FSTL4: variants seen among roughly 807,000 people sequenced by gnomAD.
FSTL4 encodes follistatin-related protein 4.
A neutral mutation model predicts 78.2 loss-of-function variants in FSTL4; 28 were observed. The ratio of observed to expected loss-of-function variants is 0.36; its 90% CI spans 0.27 to 0.49. The LOEUF (loss-of-function observed/expected upper bound fraction) is 0.49. FSTL4 is among the 20% of genes least tolerant of loss of function. The pLI is 0.98. For missense variants in FSTL4, 922 were observed against 1,084.9 expected (o/e 0.85, Z 2.11); for synonymous variants, 422 against 440.5 (o/e 0.96, Z 0.53).
At chr5:133,830,463 C>A in the FSTL4 span, among the ~76,000 whole-genome samples, 1 of 152,192 alleles carries the variant, frequency 6.6e-6, no homozygotes, top group African/African-American at 2.4e-5. Context: ...AGGGCTGGGG[C>A]AAGGCCCTGC....
chr5:133,579,893 A>ATGG (rs1760364150), intron 2 of FSTL4, among the ~76,000 whole-genome samples: 1 of 152,298 alleles, frequency 6.6e-6, no homozygotes, highest in Admixed American at 6.5e-5. Flanking sequence ...TGCCAGAGTC[A>ATGG]TGGTGGGGCC....
intron 1 of FSTL4, among the ~76,000 whole-genome samples, chr5:133,607,726 T>A (rs961531603): frequency 6.6e-5 from 10 of 152,112 alleles, no homozygotes; most frequent in African/African-American, 2.4e-4. Context: ...GCCCCGAGAC[T>A]CTCCTTTCCT....
the FSTL4 span, among the ~76,000 whole-genome samples, chr5:133,716,800 T>G: frequency 1.3e-5 from 2 of 152,270 alleles, no homozygotes; most frequent in African/African-American, 4.8e-5. Context: ...ATGGAAATCA[T>G]TCCCAAATAT....
chr5:133,575,756 C>T (rs1760263214), intron 2 of FSTL4, among the ~76,000 whole-genome samples: 2 of 152,214 alleles, frequency 1.3e-5, no homozygotes, highest in Admixed American at 6.5e-5. Context: ...TCTGCAGAAG[C>T]TTCAAACCAG....
At chr5:133,618,964 A>G in the FSTL4 span, among the ~76,000 whole-genome samples, 6 of 152,242 alleles carry the variant, frequency 3.9e-5, no homozygotes, top group Non-Finnish European at 8.8e-5. Context: ...CTAAGAAATT[A>G]TGGTAGACAT....
the FSTL4 span, among the ~76,000 whole-genome samples, chr5:133,673,166 A>G: frequency 3.3e-5 from 5 of 152,358 alleles, no homozygotes; most frequent in East Asian, 3.9e-4. Context: ...GTGACTTTGA[A>G]TAGAAAGGAA....
At chr5:133,488,450 C>T (rs1034304880) in intron 3 of FSTL4, among the ~76,000 whole-genome samples, 2 of 152,132 alleles carry the variant, frequency 1.3e-5, no homozygotes, top group African/African-American at 4.8e-5. Context: ...GATGTGGTTT[C>T]GCCATGTTGG....
intron 4 of FSTL4, among the ~76,000 whole-genome samples, chr5:133,385,931 G>C (rs1033888688): frequency 2.0e-5 from 3 of 152,080 alleles, no homozygotes; most frequent in Admixed American, 6.6e-5. Context: ...CTATGTGTGT[G>C]TGTTTTTTTT....
At chr5:133,470,746 A>AAAAATAAAATAAAAT (rs61460224) in intron 3 of FSTL4, among the ~76,000 whole-genome samples, 3,250 of 126,930 alleles carry the variant, frequency 0.026, 59 homozygotes, top group Non-Finnish European at 0.035. Flanking sequence ...ACTCTGCCTC[A>AAAAATAAAATAAAAT]AAAATAAAAT....
chr5:133,734,984 G>A, the FSTL4 span, among the ~76,000 whole-genome samples: 1 of 152,136 alleles, frequency 6.6e-6, no homozygotes. Flanking sequence ...CAAAGAACAG[G>A]GGGCCCCATG....
intron 3 of FSTL4, among the ~76,000 whole-genome samples, chr5:133,464,164 T>C (rs1757652551): frequency 6.6e-6 from 1 of 152,176 alleles, no homozygotes; most frequent in African/African-American, 2.4e-5. Flanking sequence ...CTAAGCAGTG[T>C]TGGGGCCGCC....
At chr5:133,552,631 T>C (rs1425370163) in intron 3 of FSTL4, among the ~76,000 whole-genome samples, 1 of 152,232 alleles carries the variant, frequency 6.6e-6, no homozygotes, top group Non-Finnish European at 1.5e-5. Flanking sequence ...AATCAAAATA[T>C]GGCTGCAGGC....
intron 2 of FSTL4, among the ~76,000 whole-genome samples, chr5:133,577,441 G>A (rs1241393030): frequency 6.6e-6 from 1 of 152,118 alleles, no homozygotes; most frequent in Non-Finnish European, 1.5e-5. Context: ...TGGTAGATGG[G>A]CTTACTGCCT....
At chr5:133,419,724 GT>G (rs1756652531) in intron 3 of FSTL4, among the ~76,000 whole-genome samples, 2 of 152,198 alleles carry the variant, frequency 1.3e-5, no homozygotes. Flanking sequence ...GATTATGAAT[GT>G]TCTGGTTCTC....
At chr5:133,397,460 G>A (rs75710379) in intron 4 of FSTL4, among the ~76,000 whole-genome samples, 3,337 of 152,258 alleles carry the variant, frequency 0.022, 128 homozygotes, top group African/African-American at 0.076. Context: ...TTGATTTCCC[G>A]TACATGCTAA....
In FSTL4 at chr5:133,553,455, A is replaced by T. The variant is rs141168912; in HGVS notation, c.160+13731T>A. Among the ~76,000 whole-genome samples the T allele has an allele frequency of 2.3e-3, 346 of 152,332 alleles. 2 individuals are homozygous for T. The highest frequency in any genetic ancestry group is 7.9e-3 in the African/African-American group (327 of 41,570). On this transcript the variant is annotated intron_variant, in intron 3 of 15. Transcript: ENST00000265342. ...AAAGCTACAGTAGCAAGACACAGGG[A>T]CATCCCACCACAAAGGAATGAATAT... is the stretch of plus-strand genomic sequence containing the variant.
At chr5:133,717,817 T>C in the FSTL4 span, among the ~76,000 whole-genome samples, 1 of 152,262 alleles carries the variant, frequency 6.6e-6, no homozygotes, top group Non-Finnish European at 1.5e-5. Flanking sequence ...GTCTATTCAT[T>C]TATCTGTGCA....
chr5:133,665,209 G>A, the FSTL4 span, among the ~76,000 whole-genome samples: 4 of 152,198 alleles, frequency 2.6e-5, no homozygotes, highest in South Asian at 8.3e-4. Context: ...ACTCTGCCAT[G>A]CTGCAGTAAC....
At chr5:133,501,159 T>C (rs979691715) in intron 3 of FSTL4, among the ~76,000 whole-genome samples, 4 of 151,860 alleles carry the variant, frequency 2.6e-5, no homozygotes, top group African/African-American at 9.7e-5. Context: ...TGAGCCTGAG[T>C]GTGCTAAAGA....
Sources: allele counts gnomAD v4.1 joint callset (sites outside exome capture counted in the v4.1 genomes callset), GRCh38; gene constraint gnomAD v4.1.1; transcripts MANE v1.5; gene names NCBI Gene and HGNC (gene_info 2026-07-23, HGNC 2026-07-21).